The following CTNND2 variants were observed in gnomAD, a reference collection of about 807,000 sequenced individuals.
The protein encoded by CTNND2 is catenin delta 2, also known as catenin delta-2.
In CTNND2, 22 loss-of-function variants were observed where a neutral mutation model predicts 144.4. That is an observed-to-expected ratio of 0.15 (90% CI 0.11 to 0.22). The LOEUF is 0.22. CTNND2 is among the 10% of genes least tolerant of loss of function. The pLI is 1.00. For synonymous variants in CTNND2, 751 were observed against 695.6 expected (o/e 1.08, Z -1.25); for missense variants, 1,353 against 1,618.8 (o/e 0.84, Z 2.82).
At chr5:11,140,853 A>T (rs936223968) in intron 12 of CTNND2, among the ~76,000 whole-genome samples, 10 of 152,212 alleles carry the variant, frequency 6.6e-5, no homozygotes, top group Admixed American at 2.6e-4. Context: ...ATATATGGAG[A>T]ATAATTAACT....
At chr5:11,760,893 T>G (rs539202269) in intron 1 of CTNND2, among the ~76,000 whole-genome samples, 3 of 152,276 alleles carry the variant, frequency 2.0e-5, no homozygotes, top group Admixed American at 6.5e-5. Context: ...CACTTATTGG[T>G]TGAATGAATG....
At chr5:11,092,865 A>T (rs149065936) in intron 15 of CTNND2, among the ~76,000 whole-genome samples, 2 of 152,186 alleles carry the variant, frequency 1.3e-5, no homozygotes, top group African/African-American at 4.8e-5. Flanking sequence ...GATAGACTCC[A>T]CTAATCTGCC....
intron 1 of CTNND2, among the ~76,000 whole-genome samples, chr5:11,861,433 A>G (rs1795499754): frequency 6.6e-6 from 1 of 152,204 alleles, no homozygotes; most frequent in African/African-American, 2.4e-5. Context: ...AAAAACTGGG[A>G]GTCATCTTTT....
intron 3 of CTNND2, among the ~76,000 whole-genome samples, chr5:11,558,341 CGTGTGTGTGTGT>C (rs59741742): frequency 9.1e-5 from 12 of 132,226 alleles, no homozygotes; most frequent in South Asian, 2.7e-4. Flanking sequence ...GTGAGAAACA[CGTGTGTGTGTGT>C]GTGTGTGTGT....
At chr5:11,026,691 T>C (rs1742867711) in intron 16 of CTNND2, among the ~76,000 whole-genome samples, 1 of 152,172 alleles carries the variant, frequency 6.6e-6, no homozygotes, top group Admixed American at 6.5e-5. Context: ...GATTAAAAGA[T>C]ATGACACAGA....
intron 3 of CTNND2, among the ~76,000 whole-genome samples, chr5:11,552,152 C>T (rs1335176984): frequency 1.3e-5 from 2 of 152,162 alleles, no homozygotes; most frequent in Non-Finnish European, 2.9e-5. Context: ...CACTTTAAGA[C>T]ATTAAACCCT....
At chr5:11,527,858 C>T (rs778775911) in intron 3 of CTNND2, among the ~76,000 whole-genome samples, 68 of 152,288 alleles carry the variant, frequency 4.5e-4, no homozygotes, top group Middle Eastern at 6.8e-3. Context: ...TAAATGTCTT[C>T]CTAACAGTTA....
chr5:11,138,730 A>T (rs1428394842), intron 12 of CTNND2, among the ~76,000 whole-genome samples: 1 of 152,220 alleles, frequency 6.6e-6, no homozygotes, highest in Non-Finnish European at 1.5e-5. Context: ...TTTCTAGAAA[A>T]GTTAGCTTTG....
At chr5:11,361,678 CAGTT>C (rs901651952) in intron 8 of CTNND2, among the ~76,000 whole-genome samples, 2 of 152,248 alleles carry the variant, frequency 1.3e-5, no homozygotes, top group Non-Finnish European at 2.9e-5. Flanking sequence ...GGGGATTTCT[CAGTT>C]AGCTTCTCCT....
chr5:11,092,330 A>G lies in CTNND2; in HGVS notation c.2637+6245T>C, dbSNP rs563548460. ...GGTTCAGCTGTTTCTACAACTTTAAAGTTCTGTAATTTAGAACTTTAGAAA... is the reference window on the plus strand; with the variant it reads ...GGTTCAGCTGTTTCTACAACTTTAAGGTTCTGTAATTTAGAACTTTAGAAA... On this transcript the variant is annotated intron_variant, in intron 15 of 21. Coordinates refer to ENST00000304623, the MANE Select transcript of CTNND2 (RefSeq NM_001332.4). 3.1e-4 allele frequency among the ~76,000 whole-genome samples: 47 copies of G among 152,344 alleles called. 1 individual carries two copies. In the South Asian group the frequency reaches 9.1e-3, roughly 30 times the overall value.
chr5:11,357,112 A>G (rs540954381), intron 8 of CTNND2, among the ~76,000 whole-genome samples: 2 of 152,184 alleles, frequency 1.3e-5, no homozygotes, highest in Admixed American at 6.5e-5. Flanking sequence ...ATGGAAAACA[A>G]TATGTTGGTT....
At chr5:11,483,770 C>A (rs984356302) in intron 3 of CTNND2, among the ~76,000 whole-genome samples, 5 of 152,114 alleles carry the variant, frequency 3.3e-5, no homozygotes, top group African/African-American at 1.2e-4. Context: ...ACAGAAAATG[C>A]AATGTGCTCA....
At chr5:11,563,349 G>A (rs900697048) in intron 3 of CTNND2, among the ~76,000 whole-genome samples, 3 of 152,258 alleles carry the variant, frequency 2.0e-5, no homozygotes, top group African/African-American at 7.2e-5. Flanking sequence ...TATAAAATCT[G>A]GCAGGCTTAG....
intron 2 of CTNND2, among the ~76,000 whole-genome samples, chr5:11,583,814 T>C (rs1335525422): frequency 2.6e-5 from 4 of 152,176 alleles, no homozygotes; most frequent in Non-Finnish European, 4.4e-5. Context: ...ATCTGGTCAA[T>C]ATCTATGCAT....
chr5:11,563,577 G>C (rs1776840408), intron 3 of CTNND2, among the ~76,000 whole-genome samples: 2 of 152,150 alleles, frequency 1.3e-5, no homozygotes, highest in Non-Finnish European at 2.9e-5. Context: ...GCAAGTCTGT[G>C]ATGAGTTTAA....
At chr5:11,129,225 A>AT (rs1561353386) in intron 12 of CTNND2, among the ~76,000 whole-genome samples, 47 of 22,374 alleles carry the variant, frequency 2.1e-3, no homozygotes, top group African/African-American at 5.7e-3. Context: ...ATTATATATA[A>AT]ATATATATTA....
chr5:11,030,566 T>A (rs1743334612), intron 16 of CTNND2, among the ~76,000 whole-genome samples: 1 of 152,102 alleles, frequency 6.6e-6, no homozygotes, highest in South Asian at 2.1e-4. Flanking sequence ...ATTGTACTTT[T>A]CAGCTCTAAA....
At chr5:11,301,323 T>A (rs979839632) in intron 9 of CTNND2, among the ~76,000 whole-genome samples, 1 of 152,122 alleles carries the variant, frequency 6.6e-6, no homozygotes, top group Admixed American at 6.6e-5. Flanking sequence ...GGCCCCCATC[T>A]GCTTTCTTAC....
chr5:11,012,743 G>A (rs567676889), intron 18 of CTNND2, among the ~76,000 whole-genome samples: 64 of 152,336 alleles, frequency 4.2e-4, no homozygotes, highest in African/African-American at 1.4e-3. Flanking sequence ...ATTGTAGGAT[G>A]AGCCTTTCAG....
Sources: allele counts gnomAD v4.1 joint callset (sites outside exome capture counted in the v4.1 genomes callset), GRCh38; gene constraint gnomAD v4.1.1; transcripts MANE v1.5; gene names NCBI Gene and HGNC (gene_info 2026-07-23, HGNC 2026-07-21).